ANKRD36C: variants seen among roughly 807,000 people sequenced by gnomAD.
The protein encoded by ANKRD36C is ankyrin repeat domain-containing protein 36C.
ANKRD36C carries 61 observed loss-of-function variants against 276.4 expected under a neutral mutation model. That is an observed-to-expected ratio of 0.22 (90% CI 0.18 to 0.27). ANKRD36C has a LOEUF of 0.27. ANKRD36C is among the 10% of genes least tolerant of loss of function. The pLI, the probability that ANKRD36C is intolerant of heterozygous loss-of-function variation, is 1.00. For missense variants in ANKRD36C, 1,447 were observed against 2,032.3 expected (o/e 0.71, Z 5.54); for synonymous variants, 483 against 680.1 (o/e 0.71, Z 4.51).
chr2:95,873,660 G>T (rs1174108239), intron 59 of ANKRD36C, among the ~76,000 whole-genome samples: 3 of 152,344 alleles, frequency 2.0e-5, no homozygotes, highest in Non-Finnish European at 4.4e-5. Flanking sequence ...TCAACATAGT[G>T]TTGGAAGTTC....
In ANKRD36C at chr2:95,909,480, C is replaced by T. The variant is rs1206828802; in HGVS notation, c.2653+2764G>A. ...TCAGTTTTTCATTCAGAAATCAGTG[C>T]AATATTCATTGAAAATGACCATTTT... is the stretch of plus-strand genomic sequence containing the variant. On this transcript the variant is annotated intron_variant, in intron 42 of 66. Coordinates refer to ENST00000456556, the Ensembl canonical transcript of ANKRD36C. Among the ~76,000 whole-genome samples, 262 of 89,406 alleles carry T rather than the reference C, an allele frequency of 2.9e-3. 2 individuals carry two copies. The highest frequency in any genetic ancestry group is 0.011 in the African/African-American group (249 of 22,238). 58.7% of individuals were successfully genotyped at this position (89,406 alleles called of 152,430 possible).
rs1342860325 is a variant in ANKRD36C, at chr2:95,885,933, C to T, written c.3163+115G>A. The T allele has an allele frequency of 1.9e-6, 3 of 1,540,468 alleles. No individual in the cohort carries two copies. In the African/African-American group the frequency reaches 4.1e-5, roughly 21 times the overall value. On this transcript the variant is annotated intron_variant, in intron 52 of 66. Transcript: ENST00000456556. ...AGGACTTATTACAAATGAAGAATCT[C>T]AAGCATGCTGAATCCAAACATAAAG...
At chr2:95,923,408 G>T in intron 32 of ANKRD36C, 87 bp downstream of exon 32, 1 of 1,511,560 alleles carries the variant, frequency 6.6e-7, no homozygotes, top group Non-Finnish European at 9.0e-7. Context: ...GTGCAGCTTT[G>T]ATGAGCCCCC....
rs560235809 is a variant in ANKRD36C at position 95,908,386 on chromosome 2, C to A, written c.2653+3858G>T. 6.0e-5 allele frequency: 71 copies of A among 1,188,386 alleles called. 2 individuals are homozygous for A. In the South Asian group the frequency reaches 9.4e-4, roughly 16 times the overall value. 73.6% of individuals were successfully genotyped at this position (1,188,386 alleles called of 1,614,324 possible). ...AGAACTTATTTGAAATGAAGAATCT[C>A]AGGACTGCTGAATCAGAATGTGCAG... On this transcript the variant is annotated intron_variant, in intron 42 of 66. Coordinates refer to ENST00000456556, the Ensembl canonical transcript of ANKRD36C.
chr2:95,982,501 C>T (rs1180139952), intron 3 of ANKRD36C, 139 bp from the exon 4 acceptor site: 2 of 707,310 alleles, frequency 2.8e-6, no homozygotes, highest in Middle Eastern at 3.4e-4. Flanking sequence ...TTTCCCTCCT[C>T]GGTGCTTTTC....
exon 57 of ANKRD36C, chr2:95,880,621 A>T (rs1435492130): frequency 2.6e-6 from 4 of 1,517,312 alleles, no homozygotes; most frequent in Non-Finnish European, 2.7e-6. Context: ...TTCTCAGGAT[A>T]CTCTAACAAG....
intron 6 of ANKRD36C, among the ~76,000 whole-genome samples, chr2:95,964,579 ATCAGACACTT>A (rs572781681): frequency 2.8e-4 from 42 of 152,224 alleles, no homozygotes; most frequent in African/African-American, 9.9e-4. Context: ...TGTTAAATGT[ATCAGACACTT>A]GACTAACGTG....
intron 59 of ANKRD36C, among the ~76,000 whole-genome samples, chr2:95,869,316 A>T (rs1316122755): frequency 6.6e-6 from 1 of 152,190 alleles, no homozygotes; most frequent in Non-Finnish European, 1.5e-5. Flanking sequence ...ACTAAACTTG[A>T]ATAATTCATT....
At chr2:95,952,014 G>T (rs78456792) in intron 14 of ANKRD36C, among the ~76,000 whole-genome samples, 5,617 of 103,096 alleles carry the variant, frequency 0.054, no homozygotes, top group African/African-American at 0.1. Flanking sequence ...ATGAATGAAG[G>T]CCACACATAG....
rs184720869 is a variant in ANKRD36C, at chr2:95,920,528, G to C, written c.2245+1079C>G. Among the ~76,000 whole-genome samples the C allele has an allele frequency of 1.5e-3, 198 of 132,212 alleles. 41 individuals are homozygous for C. Among genetic ancestry groups the C allele is most frequent in the Non-Finnish European group, 2.6e-3 (157 of 59,580 alleles). The allele number at this position is 132,212 out of a possible 152,430, so 86.7% of individuals were successfully genotyped here. A position where few individuals can be genotyped will look rare whatever the true frequency, so the allele number is the denominator to read the frequency against. ...CCATGTGGTGTAATAATTTGCCTAA[G>C]TTTCTTGTATCCACTAGTTTATCCC... On this transcript the variant is annotated intron_variant, in intron 34 of 66. Coordinates refer to ENST00000456556, the Ensembl canonical transcript of ANKRD36C.
intron 24 of ANKRD36C, among the ~76,000 whole-genome samples, chr2:95,930,740 T>A (rs1405491015): frequency 6.6e-6 from 1 of 151,454 alleles, no homozygotes; most frequent in Non-Finnish European, 1.5e-5. Flanking sequence ...TCCTTTTTTT[T>A]AAAATCTAGT....
chr2:95,876,843 G>T (rs2104312133), intron 58 of ANKRD36C, among the ~76,000 whole-genome samples: 1 of 105,864 alleles, frequency 9.4e-6, no homozygotes, highest in Non-Finnish European at 1.8e-5. Context: ...GGCAGAGCGA[G>T]ACTGTGTCTC....
chr2:95,888,817 A>G (rs1168524610), intron 48 of ANKRD36C, among the ~76,000 whole-genome samples: 1 of 151,664 alleles, frequency 6.6e-6, no homozygotes, highest in Non-Finnish European at 1.5e-5. Context: ...AATATCATCA[A>G]TTACCAATGT....
chr2:95,916,901 A>G (rs1182718746), intron 36 of ANKRD36C, among the ~76,000 whole-genome samples: 2 of 151,670 alleles, frequency 1.3e-5, no homozygotes, highest in Admixed American at 6.6e-5. Context: ...TATACAAAGT[A>G]AAACTGCTAC....
chr2:95,855,825 T>G (rs1675399063), exon 63 of ANKRD36C: 1 of 1,613,800 alleles, frequency 6.2e-7, no homozygotes, highest in African/African-American at 1.3e-5. Flanking sequence ...GTGACTTTGA[T>G]CATGATCACA....
intron 60 of ANKRD36C, among the ~76,000 whole-genome samples, chr2:95,861,837 C>T (rs1675592333): frequency 6.6e-6 from 1 of 151,950 alleles, no homozygotes; most frequent in Non-Finnish European, 1.5e-5. Flanking sequence ...CTACAGGCTG[C>T]CTATAAGAAA....
At chr2:95,948,536 T>G (rs1464638535) in exon 17 of ANKRD36C, 28 of 1,535,454 alleles carry the variant, frequency 1.8e-5, no homozygotes, top group Non-Finnish European at 2.4e-5. Flanking sequence ...CTACCTCAGA[T>G]TCCAAAGCAA....
chr2:95,921,552 G>A lies in ANKRD36C; in HGVS notation c.2245+55C>T. 5 of 1,565,620 alleles carry A rather than the reference G, an allele frequency of 3.2e-6. No individual in the cohort carries two copies. The Admixed American group carries it at 5.6e-5, about 18-fold the overall frequency. On this transcript the variant is annotated intron_variant, in intron 34 of 66. Coordinates refer to ENST00000456556, the Ensembl canonical transcript of ANKRD36C. ...CCTCCACTGATTTATTCGGGGTAGA[G>A]AAGTTCTTTTCTATCTGGATTGAAC...
intron 6 of ANKRD36C, among the ~76,000 whole-genome samples, chr2:95,965,603 A>G (rs1678572026): frequency 6.6e-6 from 1 of 152,158 alleles, no homozygotes; most frequent in Non-Finnish European, 1.5e-5. Context: ...TTTCTAATAT[A>G]GTACAAATCA....
Sources: allele counts gnomAD v4.1 joint callset (sites outside exome capture counted in the v4.1 genomes callset), GRCh38; gene constraint gnomAD v4.1.1; transcripts MANE v1.5; gene names NCBI Gene and HGNC (gene_info 2026-07-23, HGNC 2026-07-21).